KDM4B: variants seen among roughly 807,000 people sequenced by gnomAD.
KDM4B encodes the protein lysine demethylase 4B, also known as lysine-specific demethylase 4B.
KDM4B carries 32 observed loss-of-function variants against 125.2 expected under a neutral mutation model. The observed-to-expected ratio is 0.26, with a 90% CI of 0.19 to 0.34. The LOEUF (loss-of-function observed/expected upper bound fraction) is 0.34. Ranked by LOEUF, KDM4B falls within the 10% of genes least tolerant of loss-of-function variation. The pLI is 1.00. For synonymous variants in KDM4B, 721 were observed against 677.9 expected (o/e 1.06, Z -0.99); for missense variants, 1,190 against 1,577.7 (o/e 0.75, Z 4.16).
At chr19:5,111,312 C>G (rs1351827881) in intron 10 of KDM4B, 2 of 725,520 alleles carry the variant, frequency 2.8e-6, no homozygotes, top group Admixed American at 1.8e-5. Context: ...GATTTGAGAT[C>G]GTGGAGAGGA....
Position 5,078,826 on chromosome 19 carries a change from C to T in KDM4B, c.780+1356C>T, listed in dbSNP as rs1446300467. The T allele has an allele frequency of 2.0e-5, 3 of 152,266 alleles. No individual in the cohort carries two copies. The highest frequency in any genetic ancestry group is 3.9e-4 in the East Asian group (2 of 5,140). 9.4% of individuals were successfully genotyped at this position (152,266 alleles called of 1,614,324 possible). On this transcript the variant is annotated intron_variant, in intron 8 of 22. Coordinates refer to ENST00000159111, the MANE Select transcript of KDM4B (RefSeq NM_015015.3). This position sits in a 1 kb window ranked among gnomAD's most constrained non-coding sequence, Gnocchi z 4.5. The stretch of plus-strand genomic sequence containing the variant: ...ACCATGCATGGTAGCAGGCGGGGTC[C>T]AGGCAGTACGGCTGCGCTCCCCAAC...
At chr19:5,016,769 A>C (rs2035904778) in intron 2 of KDM4B, among the ~76,000 whole-genome samples, 1 of 152,194 alleles carries the variant, frequency 6.6e-6, no homozygotes, top group Non-Finnish European at 1.5e-5. Context: ...TAAAAATGGG[A>C]GACTCATTTT....
At chr19:5,137,491 G>A (rs958299131) in intron 16 of KDM4B, 130 bp from the exon 17 acceptor site, 10 of 1,212,888 alleles carry the variant, frequency 8.2e-6, no homozygotes, top group Non-Finnish European at 1.2e-5. Flanking sequence ...ATTCCCACCC[G>A]TCACTTTGGT....
chr19:4,988,117 C>T (rs1007084248), intron 1 of KDM4B, among the ~76,000 whole-genome samples: 4 of 152,206 alleles, frequency 2.6e-5, no homozygotes, highest in African/African-American at 7.2e-5. Context: ...AGCTGGGGCC[C>T]TCCGTTCAGT....
chr19:4,995,884 G>A (rs962431298), intron 1 of KDM4B, among the ~76,000 whole-genome samples: 2 of 152,204 alleles, frequency 1.3e-5, no homozygotes, highest in African/African-American at 4.8e-5. Flanking sequence ...TCGCCGCGGT[G>A]TCACGCGTAG....
intron 1 of KDM4B, among the ~76,000 whole-genome samples, chr19:4,980,415 T>C (rs915192429): frequency 3.8e-4 from 55 of 142,890 alleles, no homozygotes; most frequent in Middle Eastern, 3.7e-3. Flanking sequence ...CTTGTCCCTT[T>C]TCTTTCTTTT....
At chr19:5,143,809 G>A (rs1343803498) in intron 18 of KDM4B, among the ~76,000 whole-genome samples, 158 bp from the exon 19 acceptor site, 1 of 152,142 alleles carries the variant, frequency 6.6e-6, no homozygotes, top group Non-Finnish European at 1.5e-5. Context: ...GGGAGGCTGC[G>A]GGCTCTGGGC....
intron 6 of KDM4B, among the ~76,000 whole-genome samples, chr19:5,070,248 C>G (rs2037903407): frequency 6.6e-6 from 1 of 152,092 alleles, no homozygotes. Flanking sequence ...GGTGGTGTCC[C>G]CGTTGGCACT....
rs2038345890 is a variant in KDM4B at position 5,082,860 on chromosome 19, G to C, written c.918+356G>C. Among the ~76,000 whole-genome samples the C allele has an allele frequency of 7.6e-6, 1 of 132,230 alleles. No individual in the cohort carries two copies. The highest frequency in any genetic ancestry group is 2.3e-4 in the South Asian group (1 of 4,296). The allele number at this position is 132,230 out of a possible 152,430, so 86.7% of individuals were successfully genotyped here. Reference sequence around the variant, plus strand: ...CACCAGCACCATTGTCCCCCCTGCTGGCTGGCTCCTGGGCATCTCCTGGCC... The same window carrying C: ...CACCAGCACCATTGTCCCCCCTGCTCGCTGGCTCCTGGGCATCTCCTGGCC... On this transcript the variant is annotated intron_variant, in intron 9 of 22. Coordinates refer to ENST00000159111, the MANE Select transcript of KDM4B (RefSeq NM_015015.3). The surrounding 1 kb of genome is among the most constrained non-coding windows in gnomAD (Gnocchi z 5.4).
chr19:5,095,003 G>A (rs1265676849), intron 9 of KDM4B, among the ~76,000 whole-genome samples: 1 of 152,142 alleles, frequency 6.6e-6, no homozygotes, highest in African/African-American at 2.4e-5. Flanking sequence ...GGCGGGGCAG[G>A]GGCAGTGTGA....
intron 10 of KDM4B, among the ~76,000 whole-genome samples, chr19:5,111,027 C>T (rs2620856): frequency 3.6e-4 from 55 of 152,328 alleles, no homozygotes; most frequent in African/African-American, 1.3e-3. Flanking sequence ...CGAGGCCTCG[C>T]TTTGCTGGGG....
At chr19:5,111,428 C>T (rs776136697) in intron 10 of KDM4B, 13 of 765,180 alleles carry the variant, frequency 1.7e-5, no homozygotes, top group Middle Eastern at 2.2e-4. Flanking sequence ...ATCTGGTGTC[C>T]GCCTGGAGGA....
chr19:5,037,811 A>T (rs1207164999), intron 3 of KDM4B, among the ~76,000 whole-genome samples: 2 of 151,176 alleles, frequency 1.3e-5, no homozygotes, highest in Non-Finnish European at 2.9e-5. Context: ...GGGGGACAAG[A>T]CCCCCCCTCA....
At chr19:4,981,543 C>A (rs182793318) in intron 1 of KDM4B, among the ~76,000 whole-genome samples, 2 of 152,028 alleles carry the variant, frequency 1.3e-5, no homozygotes, top group Admixed American at 6.5e-5. Context: ...TCTAAATGTG[C>A]CCCTGGGGCC....
rs925722580 is a variant in KDM4B, at chr19:5,151,761, A to G, written c.*250A>G. 5 of 381,300 alleles carry G rather than the reference A, an allele frequency of 1.3e-5. No individual in the cohort carries two copies. The highest frequency in any genetic ancestry group is 2.3e-5 in the Non-Finnish European group (5 of 215,504). 23.6% of individuals were successfully genotyped at this position (381,300 alleles called of 1,614,324 possible). A position where few individuals can be genotyped will look rare whatever the true frequency, so the allele number is the denominator to read the frequency against. On this transcript the variant is annotated 3_prime_UTR_variant, in exon 23 of 23. Coordinates refer to ENST00000159111, the MANE Select transcript of KDM4B (RefSeq NM_015015.3). Reference sequence around the variant, plus strand: ...ACTCAACTACTCAGAATTTTAAACCATGTAAGCTCTCTTCTTCTCGAAAAG... The same window carrying G: ...ACTCAACTACTCAGAATTTTAAACCGTGTAAGCTCTCTTCTTCTCGAAAAG...
At chr19:5,009,317 G>A (rs887771598) in intron 1 of KDM4B, among the ~76,000 whole-genome samples, 8 of 152,208 alleles carry the variant, frequency 5.3e-5, no homozygotes, top group Admixed American at 6.5e-5. Context: ...ATAAGAGGCT[G>A]TTTCCCTAGG....
At position 4,969,203 on chromosome 19, in the gene KDM4B, C is replaced by G. The variant is rs2034153553; in HGVS notation, c.-136C>G. The G allele has an allele frequency of 6.7e-6, 1 of 149,308 alleles. No homozygotes were observed. The highest frequency in any genetic ancestry group is 6.7e-5 in the Admixed American group (1 of 15,010). The allele number at this position is 149,308 out of a possible 1,614,324, so 9.2% of individuals were successfully genotyped here. On this transcript the variant is annotated 5_prime_UTR_variant, in exon 1 of 23. Coordinates refer to ENST00000159111, the MANE Select transcript of KDM4B (RefSeq NM_015015.3). ...GGCGGGGGAGAGCGCGCCGCTGCTC[C>G]CGGACCGGGCCGCGCACGCCGCCTC...
chr19:5,032,141 G>A (rs1287994639), intron 2 of KDM4B, among the ~76,000 whole-genome samples: 2 of 152,180 alleles, frequency 1.3e-5, no homozygotes, highest in South Asian at 4.1e-4. Flanking sequence ...AGCCGCTCCC[G>A]CCCGCAGCCT....
intron 3 of KDM4B, among the ~76,000 whole-genome samples, chr19:5,034,935 T>C (rs994070028): frequency 1.3e-5 from 2 of 152,210 alleles, no homozygotes; most frequent in African/African-American, 4.8e-5. Flanking sequence ...CAAGCAGTCC[T>C]CCAGCCTCAG....
Sources: allele counts gnomAD v4.1 joint callset (sites outside exome capture counted in the v4.1 genomes callset), GRCh38; gene constraint gnomAD v4.1.1; non-coding constraint Gnocchi (gnomAD v3.1); transcripts MANE v1.5; gene names NCBI Gene and HGNC (gene_info 2026-07-23, HGNC 2026-07-21).